Variants in RASA4 observed in about 807,000 individuals in gnomAD.
The protein encoded by RASA4 is ras GTPase-activating protein 4.
In RASA4, 5 loss-of-function variants were observed where a neutral mutation model predicts 24.0. That is an observed-to-expected ratio of 0.21 (90% confidence interval 0.11 to 0.44). The LOEUF (loss-of-function observed/expected upper bound fraction) is 0.44, where lower values mean the gene tolerates loss of function less well. Ranked by LOEUF, RASA4 falls within the 20% of genes least tolerant of loss-of-function variation. The pLI is 0.99. For synonymous variants in RASA4, 9 were observed against 132.7 expected (o/e 0.07, Z 6.41); for missense variants, 38 against 293.0 (o/e 0.13, Z 6.35).
At chr7:102,613,755 A>G in intron 1 of RASA4, among the ~76,000 whole-genome samples, 2 of 152,012 alleles carry the variant, frequency 1.3e-5, no homozygotes, top group Non-Finnish European at 2.9e-5. Flanking sequence ...GAGGAGGATC[A>G]GGGAAAACCC....
chr7:102,606,666 C>T (rs533003924), intron 4 of RASA4, among the ~76,000 whole-genome samples: 31 of 87,408 alleles, frequency 3.5e-4, no homozygotes, highest in African/African-American at 1.1e-3. Flanking sequence ...AGAGCAAGAC[C>T]CCATCTCAAA....
At chr7:102,608,137 T>G (rs1355792362) in intron 4 of RASA4, among the ~76,000 whole-genome samples, 1 of 89,662 alleles carries the variant, frequency 1.1e-5, no homozygotes, top group Non-Finnish European at 2.4e-5. Context: ...CCCAGCTAAT[T>G]TTTTTGTACT....
At chr7:102,590,663 G>T (rs1256041374) in intron 16 of RASA4, among the ~76,000 whole-genome samples, 1 of 141,706 alleles carries the variant, frequency 7.1e-6, no homozygotes, top group Non-Finnish European at 1.5e-5. Context: ...TATCCTGACC[G>T]GGCGCAGTGG....
intron 2 of RASA4, among the ~76,000 whole-genome samples, chr7:102,610,196 C>T (rs1326221183): frequency 3.5e-5 from 3 of 84,786 alleles, no homozygotes; most frequent in Non-Finnish European, 7.0e-5. Flanking sequence ...GGGACCACCT[C>T]ATGCCAACCA....
At position 102,587,354 on chromosome 7, in the gene RASA4, A is replaced by C. The variant is rs1281066134; in HGVS notation, c.2104+281T>G. 10 of 441,812 alleles carry C rather than the reference A, an allele frequency of 2.3e-5. No individual in the cohort carries two copies. In the African/African-American group the frequency reaches 2.4e-4, roughly 10 times the overall value. The allele number at this position is 441,812 out of a possible 1,614,324, so 27.4% of individuals were successfully genotyped here. ...AAGTCTGTGTCTGAAAAAAAAAAAA[A>C]AAGAAGAAGAAGAAATAAAAAGAAA... On this transcript the variant is annotated intron_variant, in intron 18 of 20. Coordinates refer to ENST00000262940, the MANE Select transcript of RASA4 (RefSeq NM_006989.6).
At chr7:102,604,200 AT>A (rs1790510085) in intron 5 of RASA4, among the ~76,000 whole-genome samples, 1 of 149,676 alleles carries the variant, frequency 6.7e-6, no homozygotes, top group Non-Finnish European at 1.5e-5. Flanking sequence ...TTTTACTGAA[AT>A]ATTGAGAATC....
chr7:102,610,745 C>G (rs1322161813), intron 2 of RASA4, among the ~76,000 whole-genome samples: 1 of 148,484 alleles, frequency 6.7e-6, no homozygotes, highest in Non-Finnish European at 1.5e-5. Context: ...TATCGTATCT[C>G]GTTAATTGCA....
chr7:102,606,255 G>C, intron 4 of RASA4: 2 of 570,456 alleles, frequency 3.5e-6, no homozygotes, highest in South Asian at 4.1e-5. Flanking sequence ...TGTTTTTAGA[G>C]ACAGGGTCTC....
Position 102,606,002 on chromosome 7 carries a change from C to T in RASA4, c.299-15G>A, listed in dbSNP as rs1480663529. 3 of 1,609,366 alleles carry T rather than the reference C, an allele frequency of 1.9e-6. No individual in the cohort carries two copies. Among genetic ancestry groups the T allele is most frequent in the Non-Finnish European group, 2.5e-6 (3 of 1,178,914 alleles). ...CCCGCTGAAACCTGTGGGGTCAGCTCAGCCAGGGACCCGGCCCTGAACCCC... is the reference window on the plus strand; with the variant it reads ...CCCGCTGAAACCTGTGGGGTCAGCTTAGCCAGGGACCCGGCCCTGAACCCC... On this transcript the variant is annotated splice_polypyrimidine_tract_variant and intron_variant, in intron 4 of 20. Transcript: ENST00000262940.
intron 8 of RASA4, among the ~76,000 whole-genome samples, chr7:102,597,797 C>A (rs1224889713): frequency 1.9e-5 from 2 of 105,094 alleles, no homozygotes; most frequent in Non-Finnish European, 4.5e-5. Context: ...TCACTGCAAC[C>A]TCCGTCTCCT....
chr7:102,580,984 C>G lies in RASA4; in HGVS notation c.*1787G>C, dbSNP rs1789669421. ...TTTCTGGGGGTCCCAGTTTCGTGAT[C>G]TCTTCTTCCCTTTCCTTCCTGGTAG... On this transcript the variant is annotated 3_prime_UTR_variant, in exon 21 of 21. Coordinates refer to ENST00000262940, the MANE Select transcript of RASA4 (RefSeq NM_006989.6). 1.3e-5 allele frequency: 1 copy of G among 79,684 alleles called. No individual in the cohort carries two copies. Among genetic ancestry groups the G allele is most frequent in the Non-Finnish European group, 3.2e-5 (1 of 30,800 alleles). 4.9% of individuals were successfully genotyped at this position (79,684 alleles called of 1,614,324 possible). A position where few individuals can be genotyped will look rare whatever the true frequency, so the allele number is the denominator to read the frequency against.
At chr7:102,610,871 G>A (rs1790818604) in intron 2 of RASA4, among the ~76,000 whole-genome samples, 1 of 135,432 alleles carries the variant, frequency 7.4e-6, no homozygotes, top group Non-Finnish European at 1.6e-5. Context: ...AGAGTCCGGT[G>A]AGAGGCCCTT....
intron 10 of RASA4, 125 bp downstream of exon 10, chr7:102,595,509 A>T (rs1256814137): frequency 1.2e-6 from 1 of 821,254 alleles, no homozygotes; most frequent in African/African-American, 2.1e-5. Flanking sequence ...CCACTGTCCC[A>T]CCTCTGCCCT....
At chr7:102,597,751 G>A (rs1178665971) in intron 8 of RASA4, among the ~76,000 whole-genome samples, 1 of 134,618 alleles carries the variant, frequency 7.4e-6, no homozygotes, top group Non-Finnish European at 1.7e-5. Flanking sequence ...TTTCGCTCTT[G>A]TCACCGAGGC....
rs1318410741 is a variant in RASA4 at position 102,599,564 on chromosome 7, G to A, written c.737+296C>T. Among the ~76,000 whole-genome samples, 31 of 130,728 alleles carry A rather than the reference G, an allele frequency of 2.4e-4. 1 individual carries two copies. Among genetic ancestry groups the A allele is most frequent in the Non-Finnish European group, 3.3e-4 (19 of 58,368 alleles). The allele number at this position is 130,728 out of a possible 152,430, so 85.8% of individuals were successfully genotyped here. A position where few individuals can be genotyped will look rare whatever the true frequency, so the allele number is the denominator to read the frequency against. On this transcript the variant is annotated intron_variant, in intron 8 of 20. Coordinates refer to ENST00000262940, the MANE Select transcript of RASA4 (RefSeq NM_006989.6). ...AGGCAGGAGAATGGCGTGAACCCGGGAGGCGGAGCCTGCAGTGAGTCGAGA... is the reference window on the plus strand; with the variant it reads ...AGGCAGGAGAATGGCGTGAACCCGGAAGGCGGAGCCTGCAGTGAGTCGAGA...
intron 17 of RASA4, among the ~76,000 whole-genome samples, 193 bp downstream of exon 17, chr7:102,589,946 CCATTCCCACAGCACCCAGGG>C (rs796554577): frequency 0.56 from 37,986 of 67,938 alleles, 7,107 homozygotes; most frequent in Middle Eastern, 0.62. Flanking sequence ...AGCACCCAGG[CCATTCCCACAGCACCCAGGG>C]CATTCCCATA....
chr7:102,591,245 G>A (rs1248640048), intron 16 of RASA4, among the ~76,000 whole-genome samples: 5 of 70,526 alleles, frequency 7.1e-5, no homozygotes, highest in South Asian at 8.9e-4. Flanking sequence ...AGCTATGATC[G>A]CACCACTGCA....
At position 102,598,349 on chromosome 7, in the gene RASA4, C is replaced by CAAA. The variant is rs752931926; in HGVS notation, c.737+1508_737+1510dup. On this transcript the variant is annotated intron_variant, in intron 8 of 20. Transcript: ENST00000262940. ...CTAGGTGACAGAGTGAGATTCTGCTCAAAAAAAAAAAATATATATATATAT... is the reference window on the plus strand; with the variant it reads ...CTAGGTGACAGAGTGAGATTCTGCTCAAAAAAAAAAAAAAATATATATATATAT... Among the ~76,000 whole-genome samples, 85 of 97,676 alleles carry CAAA rather than the reference C, an allele frequency of 8.7e-4. 1 individual carries two copies. Among genetic ancestry groups the CAAA allele is most frequent in the East Asian group, 3.8e-3 (14 of 3,686 alleles). 64.1% of individuals were successfully genotyped at this position (97,676 alleles called of 152,430 possible). A position where few individuals can be genotyped will look rare whatever the true frequency, so the allele number is the denominator to read the frequency against.
rs1801464191 is a variant in RASA4, at chr7:102,580,065, G to A, written c.*2706C>T. On this transcript the variant is annotated 3_prime_UTR_variant, in exon 21 of 21. Coordinates refer to ENST00000262940, the MANE Select transcript of RASA4 (RefSeq NM_006989.6). Reference sequence around the variant, plus strand: ...GCCAAGTAGCTGGGATTACAGGCATGTGCCACTGTGCCCAGCCAAGTGCAG... The same window carrying A: ...GCCAAGTAGCTGGGATTACAGGCATATGCCACTGTGCCCAGCCAAGTGCAG... 1 of 319,446 alleles carries A rather than the reference G, an allele frequency of 3.1e-6. No individual in the cohort carries two copies. The highest frequency in any genetic ancestry group is 6.1e-6 in the Non-Finnish European group (1 of 163,312). The allele number at this position is 319,446 out of a possible 1,614,324, so 19.8% of individuals were successfully genotyped here.
Sources: allele counts gnomAD v4.1 joint callset (sites outside exome capture counted in the v4.1 genomes callset), GRCh38; gene constraint gnomAD v4.1.1; transcripts MANE v1.5; gene names NCBI Gene and HGNC (gene_info 2026-07-23, HGNC 2026-07-21).